CNOT6L: variants seen among roughly 807,000 people sequenced by gnomAD.
CNOT6L encodes the protein CCR4-NOT transcription complex subunit 6-like.
A neutral mutation model predicts 64.0 loss-of-function variants in CNOT6L; 7 were observed. That is an observed-to-expected ratio of 0.11 (90% CI 0.06 to 0.21). The LOEUF (loss-of-function observed/expected upper bound fraction) is 0.21. Among genes scored for constraint, CNOT6L ranks in the 10% least tolerant of loss-of-function variants. The probability of loss-of-function intolerance (pLI) is 1.00; values close to 1 mark genes in which losing one functional copy is unlikely to be tolerated. For synonymous variants in CNOT6L, 193 were observed against 243.4 expected, an observed-to-expected ratio of 0.79 and a Z score of 1.93; for missense variants, 245 against 669.0, an observed-to-expected ratio of 0.37 and a Z score of 6.99.
At chr4:77,721,846 C>T (rs1374452089) in intron 11 of CNOT6L, among the ~76,000 whole-genome samples, 1 of 151,978 alleles carries the variant, frequency 6.6e-6, no homozygotes, top group Admixed American at 6.6e-5. Flanking sequence ...GCAGCAGGCA[C>T]CCATAGTCCC....
chr4:77,773,916 A>T (rs1727880892), intron 3 of CNOT6L, among the ~76,000 whole-genome samples: 1 of 152,168 alleles, frequency 6.6e-6, no homozygotes, highest in Non-Finnish European at 1.5e-5. Context: ...GTGGATGACC[A>T]AAAGTAAAAA....
intron 1 of CNOT6L, among the ~76,000 whole-genome samples, chr4:77,779,946 AGAGT>A (rs1272878096): frequency 6.6e-6 from 1 of 152,228 alleles, no homozygotes; most frequent in East Asian, 1.9e-4. Context: ...CCTGGGCAAC[AGAGT>A]GAGACCCTGT....
chr4:77,805,855 G>C (rs1040851655), intron 1 of CNOT6L, among the ~76,000 whole-genome samples: 2 of 152,156 alleles, frequency 1.3e-5, no homozygotes, highest in Non-Finnish European at 2.9e-5. Flanking sequence ...CCAATCATAA[G>C]AGTATTCTAA....
At chr4:77,816,031 CA>C (rs1483223416) in intron 1 of CNOT6L, among the ~76,000 whole-genome samples, 2 of 152,146 alleles carry the variant, frequency 1.3e-5, no homozygotes, top group Non-Finnish European at 2.9e-5. Context: ...CCAATTCTCC[CA>C]AATTAAAGAC....
At chr4:77,786,991 C>T (rs910632133) in intron 1 of CNOT6L, among the ~76,000 whole-genome samples, 2 of 151,918 alleles carry the variant, frequency 1.3e-5, no homozygotes, top group South Asian at 2.1e-4. Flanking sequence ...TGAGGCCGGG[C>T]GCAGTGGCTC....
intron 8 of CNOT6L, among the ~76,000 whole-genome samples, chr4:77,737,833 C>A (rs1723147583): frequency 6.6e-6 from 1 of 151,984 alleles, no homozygotes; most frequent in African/African-American, 2.4e-5. Flanking sequence ...AACTGTAGTA[C>A]AAAGTCGTAA....
intron 4 of CNOT6L, among the ~76,000 whole-genome samples, chr4:77,759,852 C>T (rs1386135395): frequency 6.6e-6 from 1 of 152,140 alleles, no homozygotes; most frequent in South Asian, 2.1e-4. Context: ...AATATGCATT[C>T]GTTCCAAGTG....
At chr4:77,753,052 C>T (rs530662051) in intron 5 of CNOT6L, among the ~76,000 whole-genome samples, 14 of 151,310 alleles carry the variant, frequency 9.3e-5, no homozygotes, top group African/African-American at 3.4e-4. Flanking sequence ...ACTTTCGGCC[C>T]GTAAATTTGA....
intron 1 of CNOT6L, among the ~76,000 whole-genome samples, chr4:77,788,498 C>G (rs1729715871): frequency 6.6e-6 from 1 of 152,142 alleles, no homozygotes; most frequent in Admixed American, 6.5e-5. Context: ...GAAGCCAAGG[C>G]AGGCAGATTG....
At chr4:77,798,342 A>T (rs1453765212) in intron 1 of CNOT6L, among the ~76,000 whole-genome samples, 1 of 152,208 alleles carries the variant, frequency 6.6e-6, no homozygotes, top group Non-Finnish European at 1.5e-5. Context: ...AAAAAAGAAA[A>T]TAACCCACAC....
At chr4:77,797,264 A>G (rs564025387) in intron 1 of CNOT6L, among the ~76,000 whole-genome samples, 1 of 152,088 alleles carries the variant, frequency 6.6e-6, no homozygotes, top group African/African-American at 2.4e-5. Context: ...GTAGCCCCCC[A>G]TCTCTGTCCC....
At chr4:77,736,555 C>T (rs752977497) in intron 8 of CNOT6L, among the ~76,000 whole-genome samples, 56 of 152,134 alleles carry the variant, frequency 3.7e-4, no homozygotes, top group Non-Finnish European at 4.0e-4. Context: ...TCACAGATTT[C>T]CATACAGGTA....
chr4:77,772,437 G>A (rs1727663110), intron 4 of CNOT6L, among the ~76,000 whole-genome samples: 1 of 151,954 alleles, frequency 6.6e-6, no homozygotes, highest in Non-Finnish European at 1.5e-5. Context: ...TGTTGGTCAG[G>A]CTGGTCTCAA....
chr4:77,793,688 T>C (rs995006611), intron 1 of CNOT6L, among the ~76,000 whole-genome samples: 1 of 152,028 alleles, frequency 6.6e-6, no homozygotes, highest in African/African-American at 2.4e-5. Context: ...TTCTGAGTGT[T>C]GGGTAGGGGA....
rs151108439 is a variant in CNOT6L at position 77,730,668 on chromosome 4, AAAG to A, written c.1024+716_1024+718del. Reference sequence around the variant, plus strand: ...AGGAATAAATTGAAGTATGGTGAGAAAAGAAGGTTTGACACATATGCATGGTCT... The same window carrying A: ...AGGAATAAATTGAAGTATGGTGAGAAAAGGTTTGACACATATGCATGGTCT... On this transcript the variant is annotated intron_variant, in intron 9 of 11. Coordinates refer to ENST00000504123, the MANE Select transcript of CNOT6L (RefSeq NM_144571.3). Among the ~76,000 whole-genome samples, 786 of 152,200 alleles carry A rather than the reference AAAG, an allele frequency of 5.2e-3. 6 individuals are homozygous for A. The highest frequency in any genetic ancestry group is 0.018 in the African/African-American group (739 of 41,550).
chr4:77,723,129 C>T (rs1721469221), intron 11 of CNOT6L, among the ~76,000 whole-genome samples: 1 of 152,074 alleles, frequency 6.6e-6, no homozygotes, highest in Non-Finnish European at 1.5e-5. Context: ...GGCACACCCT[C>T]AGATTAGAGG....
At chr4:77,781,400 T>C (rs1041653088) in intron 1 of CNOT6L, among the ~76,000 whole-genome samples, 3 of 152,194 alleles carry the variant, frequency 2.0e-5, no homozygotes, top group Non-Finnish European at 4.4e-5. Context: ...GGGGTTTTTG[T>C]ATTTTAGTTT....
intron 1 of CNOT6L, among the ~76,000 whole-genome samples, chr4:77,793,089 T>C (rs1268719955): frequency 2.0e-5 from 3 of 151,888 alleles, no homozygotes; most frequent in Non-Finnish European, 4.4e-5. Context: ...AAATATGACC[T>C]AAGCATGAGT....
At chr4:77,761,336 G>GA (rs562017307) in intron 4 of CNOT6L, among the ~76,000 whole-genome samples, 7 of 151,838 alleles carry the variant, frequency 4.6e-5, no homozygotes, top group African/African-American at 1.7e-4. Flanking sequence ...GGCTATAGGG[G>GA]AAAAAAAGAA....
Sources: gnomAD v4.1 joint callset for allele counts (sites outside exome capture counted in the v4.1 genomes callset) on GRCh38, gnomAD v4.1.1 for gene constraint, MANE v1.5 for transcripts, NCBI Gene and HGNC (gene_info 2026-07-23, HGNC 2026-07-21) for gene names.